Variants in RNMT observed in about 807,000 individuals in gnomAD.
RNMT encodes the protein mRNA cap guanine-N(7) methyltransferase.
In RNMT, 27 loss-of-function variants were observed where a neutral mutation model predicts 56.0. The observed-to-expected ratio is 0.48, with a 90% CI of 0.36 to 0.67. The LOEUF (loss-of-function observed/expected upper bound fraction) is 0.67, where lower values mean the gene tolerates loss of function less well. Among genes scored for constraint, RNMT ranks in the 30% least tolerant of loss-of-function variants. The pLI is 0.00. For synonymous variants in RNMT, 184 were observed against 176.2 expected (o/e 1.04, Z -0.35); for missense variants, 519 against 552.1 (o/e 0.94, Z 0.60).
chr18:13,746,084 A>G (rs2044347515), intron 8 of RNMT, 136 bp from the exon 9 acceptor site: 2 of 595,018 alleles, frequency 3.4e-6, no homozygotes, highest in Non-Finnish European at 6.1e-6. Flanking sequence ...TTCATTTTGT[A>G]TTACTGTATT....
intron 9 of RNMT, among the ~76,000 whole-genome samples, chr18:13,749,954 G>A (rs1310814747): frequency 6.6e-6 from 1 of 152,082 alleles, no homozygotes; most frequent in Non-Finnish European, 1.5e-5. Context: ...GAGACAGGAT[G>A]TTGAAATGTT....
rs2044638493 is a variant in RNMT, at chr18:13,763,042, T to C, written c.*3063T>C. 1 of 455,944 alleles carries C rather than the reference T, an allele frequency of 2.2e-6. No homozygotes were observed. Among genetic ancestry groups the C allele is most frequent in the Admixed American group, 2.3e-5 (1 of 42,574 alleles). The allele number at this position is 455,944 out of a possible 1,614,324, so 28.2% of individuals were successfully genotyped here. A position where few individuals can be genotyped will look rare whatever the true frequency, so the allele number is the denominator to read the frequency against. On this transcript the variant is annotated 3_prime_UTR_variant, in exon 12 of 12. Transcript: ENST00000383314. ...CAGAGGGTCTCTAGGGTCTGCAAAA[T>C]AGAGGCCAAATCCAGGGACCAGGCC...
At chr18:13,738,419 T>C (rs977631671) in intron 5 of RNMT, among the ~76,000 whole-genome samples, 1 of 152,230 alleles carries the variant, frequency 6.6e-6, no homozygotes, top group Non-Finnish European at 1.5e-5. Flanking sequence ...GGTTGATAAG[T>C]AGTTGTAAAA....
chr18:13,740,285 GTTTC>G lies in RNMT; in HGVS notation c.792+14_792+17del, dbSNP rs776721594. On this transcript the variant is annotated splice_region_variant and intron_variant, in intron 6 of 11. Transcript: ENST00000383314. Reference sequence around the variant, plus strand: ...TAACTGCTGACAGCTCAAAGGTACAGTTTCTTTCTTTGGTCAATTTATTTTTTAC... The same window carrying G: ...TAACTGCTGACAGCTCAAAGGTACAGTTTCTTTGGTCAATTTATTTTTTAC... 9.5e-6 allele frequency: 13 copies of G among 1,366,590 alleles called. No homozygotes were observed. Among genetic ancestry groups the G allele is most frequent in the African/African-American group, 2.9e-5 (2 of 69,140 alleles). 84.7% of individuals were successfully genotyped at this position (1,366,590 alleles called of 1,614,324 possible).
chr18:13,734,270 G>A (rs776450275), intron 3 of RNMT, among the ~76,000 whole-genome samples, 194 bp from the exon 4 acceptor site: 6 of 152,164 alleles, frequency 3.9e-5, no homozygotes, highest in Admixed American at 6.5e-5. Context: ...CATTAAAATG[G>A]ACTGATACAC....
chr18:13,749,879 C>A (rs1009832862), intron 9 of RNMT, among the ~76,000 whole-genome samples: 1 of 151,000 alleles, frequency 6.6e-6, no homozygotes, highest in South Asian at 2.1e-4. Flanking sequence ...TTCACCTCCC[C>A]CTTCTGAGTA....
intron 3 of RNMT, among the ~76,000 whole-genome samples, chr18:13,733,943 T>TA (rs1331333846): frequency 6.6e-6 from 1 of 152,256 alleles, no homozygotes; most frequent in African/African-American, 2.4e-5. Flanking sequence ...GGTGTGTCCC[T>TA]ACCCAGATCT....
intron 1 of RNMT, among the ~76,000 whole-genome samples, chr18:13,729,282 T>G (rs1448770274): frequency 6.6e-6 from 1 of 152,238 alleles, no homozygotes; most frequent in East Asian, 1.9e-4. Flanking sequence ...CGTTCTTACT[T>G]ATTTTTGTGG....
At chr18:13,750,945 A>G (rs1231576299) in intron 9 of RNMT, among the ~76,000 whole-genome samples, 2 of 152,162 alleles carry the variant, frequency 1.3e-5, no homozygotes, top group Non-Finnish European at 1.5e-5. Flanking sequence ...CCTTCCTTAC[A>G]CTTTATATAA....
rs1295391464 is a variant in RNMT, at chr18:13,740,028, T to G, written c.680-139T>G. 30 of 634,256 alleles carry G rather than the reference T, an allele frequency of 4.7e-5. No homozygotes were observed. In the Admixed American group the frequency reaches 9.0e-4, roughly 19 times the overall value. 39.3% of individuals were successfully genotyped at this position (634,256 alleles called of 1,614,324 possible). On this transcript the variant is annotated intron_variant, in intron 5 of 11. Coordinates refer to ENST00000383314, the MANE Select transcript of RNMT (RefSeq NM_003799.3). ...GGTATTTGCGTCGGAACAAAGCCCT[T>G]TTCTTTTCTTTTAAAGGAAATAAAA...
intron 5 of RNMT, among the ~76,000 whole-genome samples, chr18:13,738,056 G>T (rs1442808079): frequency 6.6e-6 from 1 of 152,010 alleles, no homozygotes; most frequent in African/African-American, 2.4e-5. Context: ...ACTGAAGTGG[G>T]ACAAGCAGAC....
chr18:13,735,762 C>G (rs1025541399), intron 4 of RNMT, among the ~76,000 whole-genome samples: 1 of 151,710 alleles, frequency 6.6e-6, no homozygotes, highest in Admixed American at 6.6e-5. Flanking sequence ...TTTTAAAGGA[C>G]TGAAGTCAGA....
intron 10 of RNMT, among the ~76,000 whole-genome samples, chr18:13,752,917 T>C (rs1017724740): frequency 6.6e-6 from 1 of 152,256 alleles, no homozygotes; most frequent in Non-Finnish European, 1.5e-5. Context: ...TCTTAGAATA[T>C]TGTTTTCATT....
At position 13,747,912 on chromosome 18, in the gene RNMT, C is replaced by T. The variant is rs772024549; in HGVS notation, c.1257+1575C>T. On this transcript the variant is annotated intron_variant, in intron 9 of 11. Transcript: ENST00000383314. ...ATACAGCATATCTTTAGCATATTGC[C>T]TTTATTTGATGGTGCTTTGCATGAT... 1.2e-4 allele frequency among the ~76,000 whole-genome samples: 18 copies of T among 152,206 alleles called. No individual in the cohort carries two copies. The Middle Eastern group carries it at 0.01, about 86-fold the overall frequency.
In RNMT at chr18:13,732,516, A is replaced by C. The variant is rs1181985924; in HGVS notation, c.417+582A>C. Among the ~76,000 whole-genome samples, 4 of 152,180 alleles carry C rather than the reference A, an allele frequency of 2.6e-5. No homozygotes were observed. The East Asian group carries it at 7.7e-4, about 29-fold the overall frequency. Reference sequence around the variant, plus strand: ...TGTATTTTACATACTGTTTTAGTTAAGTGAATGCAAATGCCTAATATTTAG... The same window carrying C: ...TGTATTTTACATACTGTTTTAGTTACGTGAATGCAAATGCCTAATATTTAG... On this transcript the variant is annotated intron_variant, in intron 3 of 11. Coordinates refer to ENST00000383314, the MANE Select transcript of RNMT (RefSeq NM_003799.3).
Position 13,760,882 on chromosome 18 carries a change from C to T in RNMT, c.*903C>T. On this transcript the variant is annotated 3_prime_UTR_variant, in exon 12 of 12. Transcript: ENST00000383314. ...ACTTGTTCCTCTGTTACAACCTCAG[C>T]ACTTTGCACCGTAGGAGCCATTGTT... 2.0e-6 allele frequency: 2 copies of T among 985,404 alleles called. No individual in the cohort carries two copies. Among genetic ancestry groups the T allele is most frequent in the Non-Finnish European group, 1.2e-6 (1 of 829,898 alleles). 61.0% of individuals were successfully genotyped at this position (985,404 alleles called of 1,614,324 possible).
intron 4 of RNMT, among the ~76,000 whole-genome samples, chr18:13,735,090 G>A (rs1200801042): frequency 6.6e-6 from 1 of 151,822 alleles, no homozygotes; most frequent in East Asian, 1.9e-4. Context: ...AATTCTTGTC[G>A]GCACCGTAAG....
At chr18:13,750,881 A>G (rs1344319159) in intron 9 of RNMT, among the ~76,000 whole-genome samples, 1 of 152,174 alleles carries the variant, frequency 6.6e-6, no homozygotes, top group South Asian at 2.1e-4. Context: ...TCCCTATTTA[A>G]TAAATGGTGC....
In RNMT at chr18:13,731,633, C is replaced by T; in HGVS notation, c.116C>T (p.Ser39Phe). The change falls in exon 3 of 12, where the codon TCT becomes TTT. Residue 39 changes from serine (S) to phenylalanine (F), a missense_variant. Ser to Phe is a radical substitution (Grantham distance 155). Transcript: ENST00000383314. ...SFNINENTTA[S>F]GTGLSEKTSV... ...AATATTAATGAAAACACAACAGCTTCTGGGACTGGGCTTTCTGAAAAGACT... is the reference window on the plus strand; with the variant it reads ...AATATTAATGAAAACACAACAGCTTTTGGGACTGGGCTTTCTGAAAAGACT... 1.9e-6 allele frequency: 3 copies of T among 1,614,118 alleles called. No homozygotes were observed. Among genetic ancestry groups the T allele is most frequent in the Non-Finnish European group, 2.5e-6 (3 of 1,180,012 alleles).
Sources: allele counts gnomAD v4.1 joint callset (sites outside exome capture counted in the v4.1 genomes callset), GRCh38; gene constraint gnomAD v4.1.1; transcripts MANE v1.5; gene names NCBI Gene and HGNC (gene_info 2026-07-23, HGNC 2026-07-21).